KIAA1217: variants seen among roughly 807,000 people sequenced by gnomAD.
KIAA1217 encodes the protein sickle tail protein homolog.
KIAA1217 carries 88 observed loss-of-function variants against 163.9 expected under a neutral mutation model. The ratio of observed to expected loss-of-function variants is 0.54; its 90% CI spans 0.45 to 0.64. The LOEUF (loss-of-function observed/expected upper bound fraction) is 0.64. KIAA1217 is among the 30% of genes least tolerant of loss of function. KIAA1217 has a pLI of 0.00. For missense variants in KIAA1217, 2,372 were observed against 2,475.0 expected (o/e 0.96, Z 0.88); for synonymous variants, 903 against 923.1 (o/e 0.98, Z 0.39).
At chr10:24,101,156 G>T (rs1170011049) in intron 2 of KIAA1217, among the ~76,000 whole-genome samples, 1 of 152,142 alleles carries the variant, frequency 6.6e-6, no homozygotes, top group Non-Finnish European at 1.5e-5. Flanking sequence ...ATCACAAAAG[G>T]AGTCAAGGTC....
chr10:23,903,917 G>C (rs1032121035), intron 1 of KIAA1217, among the ~76,000 whole-genome samples: 2 of 152,096 alleles, frequency 1.3e-5, no homozygotes, highest in Non-Finnish European at 2.9e-5. Context: ...AGATTATCAA[G>C]AGCTGGCAAA....
rs553620908 is a variant in KIAA1217 at position 24,262,483 on chromosome 10, C to T, written c.354+42574C>T. ...TCTACTAAAAATACAAAAAATTAGC[C>T]GGGCGAGGTGGCGGGCAACTGTAAT... is the stretch of plus-strand genomic sequence containing the variant. On this transcript the variant is annotated intron_variant, in intron 2 of 20. Transcript: ENST00000376454. Among the ~76,000 whole-genome samples the T allele has an allele frequency of 9.2e-5, 14 of 152,084 alleles. No individual in the cohort carries two copies. In the East Asian group the frequency reaches 1.7e-3, roughly 19 times the overall value.
At chr10:23,997,279 G>C (rs1316432463) in intron 1 of KIAA1217, among the ~76,000 whole-genome samples, 1 of 152,132 alleles carries the variant, frequency 6.6e-6, no homozygotes, top group Non-Finnish European at 1.5e-5. Context: ...CCCCCAAAAA[G>C]TATCATTGAA....
intron 2 of KIAA1217, among the ~76,000 whole-genome samples, chr10:24,057,260 A>G (rs916152655): frequency 1.3e-5 from 2 of 152,224 alleles, no homozygotes; most frequent in Admixed American, 6.5e-5. Context: ...AAAATAAAAA[A>G]TAAATAAAAT....
chr10:24,116,370 G>A (rs971098383), intron 2 of KIAA1217, among the ~76,000 whole-genome samples: 5 of 152,086 alleles, frequency 3.3e-5, no homozygotes, highest in South Asian at 2.1e-4. Flanking sequence ...GGGACAGATG[G>A]CAAATATTTT....
chr10:23,951,528 C>T (rs1201864191), intron 1 of KIAA1217, among the ~76,000 whole-genome samples: 4 of 152,060 alleles, frequency 2.6e-5, no homozygotes, highest in African/African-American at 9.7e-5. Flanking sequence ...TGGTGCACAC[C>T]TGTAGTTCCA....
intron 1 of KIAA1217, among the ~76,000 whole-genome samples, chr10:23,907,006 T>C (rs1842188896): frequency 6.6e-6 from 1 of 152,124 alleles, no homozygotes; most frequent in African/African-American, 2.4e-5. Flanking sequence ...ACTGAGGGCT[T>C]GAGGGTGCCA....
chr10:24,193,159 T>A lies in KIAA1217; in HGVS notation c.-170-26467T>A, dbSNP rs572491763. ...GTCTTAAATTCCTGGGCTTGAGCGA[T>A]CTTCCCACCTCGGCCTCCCCCTCCT... On this transcript the variant is annotated intron_variant, in intron 2 of 18. Coordinates refer to the KIAA1217 transcript ENST00000376462. Among the ~76,000 whole-genome samples the A allele has an allele frequency of 8.5e-5, 13 of 152,094 alleles. No homozygotes were observed. In the South Asian group the frequency reaches 2.5e-3, roughly 29 times the overall value.
chr10:24,071,233 T>A (rs969572124), intron 2 of KIAA1217, among the ~76,000 whole-genome samples: 1 of 152,222 alleles, frequency 6.6e-6, no homozygotes, highest in Non-Finnish European at 1.5e-5. Flanking sequence ...CTATCAGTAC[T>A]TTAGAAGTGA....
At chr10:23,968,987 T>C (rs1589157813) in intron 1 of KIAA1217, among the ~76,000 whole-genome samples, 4 of 152,192 alleles carry the variant, frequency 2.6e-5, no homozygotes, top group Admixed American at 2.6e-4. Flanking sequence ...CTTGAGTACA[T>C]ACCTACAAGT....
intron 2 of KIAA1217, among the ~76,000 whole-genome samples, chr10:24,235,161 C>T (rs2072052932): frequency 6.6e-6 from 1 of 152,146 alleles, no homozygotes; most frequent in African/African-American, 2.4e-5. Context: ...GGGCCATCTG[C>T]CTTACTCCAA....
chr10:24,063,277 A>C (rs1395775181), intron 2 of KIAA1217, among the ~76,000 whole-genome samples: 1 of 152,192 alleles, frequency 6.6e-6, no homozygotes, highest in African/African-American at 2.4e-5. Flanking sequence ...TTTTAGGTCT[A>C]ACATGTAAGT....
chr10:24,151,978 G>A (rs1451559660), intron 2 of KIAA1217, among the ~76,000 whole-genome samples: 2 of 152,066 alleles, frequency 1.3e-5, no homozygotes, highest in East Asian at 1.9e-4. Flanking sequence ...AATATCCAAA[G>A]GTAAGTTTCT....
chr10:23,929,588 T>C (rs978842631), intron 1 of KIAA1217, among the ~76,000 whole-genome samples: 4 of 152,194 alleles, frequency 2.6e-5, no homozygotes, highest in African/African-American at 9.7e-5. Flanking sequence ...CCTGTGTTAA[T>C]TTGCTTAAGA....
intron 1 of KIAA1217, among the ~76,000 whole-genome samples, chr10:24,212,847 C>A (rs1235507491): frequency 6.6e-6 from 1 of 152,164 alleles, no homozygotes; most frequent in East Asian, 1.9e-4. Flanking sequence ...GAGCACTGGG[C>A]AACCTAACAG....
At position 24,524,314 on chromosome 10, in the gene KIAA1217, T is replaced by G. The variant is rs1387709988; in HGVS notation, c.2457-9T>G. 6.3e-7 allele frequency: 1 copy of G among 1,599,134 alleles called. No homozygotes were observed. The highest frequency in any genetic ancestry group is 1.3e-5 in the African/African-American group (1 of 74,596). On this transcript the variant is annotated splice_polypyrimidine_tract_variant and intron_variant, in intron 12 of 20. Coordinates refer to ENST00000376454, the MANE Select transcript of KIAA1217 (RefSeq NM_019590.5). ...GAGGGTTAATGCCGCTGTGCATGGT[T>G]TCTCCTAGACATGTCACTGATGGGC... is the stretch of plus-strand genomic sequence containing the variant.
chr10:24,054,326 A>G lies in KIAA1217; in HGVS notation c.-171+46952A>G, dbSNP rs569870887. 1.4e-4 allele frequency among the ~76,000 whole-genome samples: 21 copies of G among 152,328 alleles called. 2 individuals carry two copies. The highest frequency in any genetic ancestry group is 1.2e-3 in the Admixed American group (19 of 15,306). On this transcript the variant is annotated intron_variant, in intron 2 of 18. Coordinates refer to the KIAA1217 transcript ENST00000376462. Reference sequence around the variant, plus strand: ...GGCAGGACAGAAGCTATAGACATAAATAATGTGAATCACCAGTATATGAGT... The same window carrying G: ...GGCAGGACAGAAGCTATAGACATAAGTAATGTGAATCACCAGTATATGAGT...
intron 3 of KIAA1217, among the ~76,000 whole-genome samples, chr10:24,385,546 C>T (rs2053890763): frequency 6.6e-6 from 1 of 152,060 alleles, no homozygotes; most frequent in African/African-American, 2.4e-5. Context: ...AGGCTTAGAG[C>T]CTAGAAATTT....
intron 5 of KIAA1217, among the ~76,000 whole-genome samples, chr10:24,464,267 T>G (rs191708092): frequency 5.9e-5 from 9 of 152,318 alleles, no homozygotes. Context: ...AGTGAATTAC[T>G]GCTCTTGTAA....
Sources: gnomAD v4.1 joint callset for allele counts (sites outside exome capture counted in the v4.1 genomes callset) on GRCh38, gnomAD v4.1.1 for gene constraint, MANE v1.5 for transcripts, NCBI Gene and HGNC (gene_info 2026-07-23, HGNC 2026-07-21) for gene names.